IL1RAP: variants seen among roughly 807,000 people sequenced by gnomAD.
IL1RAP encodes the protein interleukin-1 receptor accessory protein.
IL1RAP carries 35 observed loss-of-function variants against 60.7 expected under a neutral mutation model. That is an observed-to-expected ratio of 0.58 (90% CI 0.44 to 0.76). The LOEUF (loss-of-function observed/expected upper bound fraction) is 0.76. IL1RAP is among the 30% of genes least tolerant of loss of function. IL1RAP has a pLI of 0.00. For missense variants in IL1RAP, 572 were observed against 693.9 expected, an observed-to-expected ratio of 0.82 and a Z score of 1.97; for synonymous variants, 268 against 250.9, an observed-to-expected ratio of 1.07 and a Z score of -0.64.
chr3:190,584,007 C>T (rs1394065667), intron 3 of IL1RAP, among the ~76,000 whole-genome samples: 1 of 152,090 alleles, frequency 6.6e-6, no homozygotes, highest in East Asian at 1.9e-4. Context: ...TACAGAAAGT[C>T]CCATTATCCT....
intron 1 of IL1RAP, chr3:190,518,953 T>A (rs1319830464): frequency 6.6e-6 from 1 of 152,198 alleles, no homozygotes; most frequent in African/African-American, 2.4e-5. Context: ...ATGCTGAGAC[T>A]CATCTACGCA....
At chr3:190,524,586 A>G (rs1414782412) in intron 1 of IL1RAP, among the ~76,000 whole-genome samples, 2 of 152,166 alleles carry the variant, frequency 1.3e-5, no homozygotes, top group African/African-American at 4.8e-5. Context: ...TTGAATAGGA[A>G]ATCCTTTCCT....
chr3:190,553,931 G>A (rs997227242), intron 1 of IL1RAP, among the ~76,000 whole-genome samples: 4 of 150,976 alleles, frequency 2.6e-5, no homozygotes, highest in Non-Finnish European at 5.9e-5. Context: ...CGTAGTGGCG[G>A]GCGCCTGTAG....
intron 1 of IL1RAP, among the ~76,000 whole-genome samples, chr3:190,544,071 C>T (rs1253563327): frequency 1.3e-5 from 2 of 152,050 alleles, no homozygotes; most frequent in African/African-American, 4.8e-5. Context: ...TTTAGGTCAC[C>T]CTAATACATA....
chr3:190,595,828 C>A (rs1324811329), intron 3 of IL1RAP, among the ~76,000 whole-genome samples: 1 of 152,138 alleles, frequency 6.6e-6, no homozygotes, highest in Non-Finnish European at 1.5e-5. Flanking sequence ...TATTATTATG[C>A]TTCTGTTTAG....
chr3:190,547,351 G>A (rs565348677), intron 1 of IL1RAP, among the ~76,000 whole-genome samples: 47 of 152,272 alleles, frequency 3.1e-4, no homozygotes, highest in Non-Finnish European at 3.8e-4. Context: ...CTATGGGACT[G>A]GTGGGTGCGC....
intron 3 of IL1RAP, among the ~76,000 whole-genome samples, chr3:190,601,000 T>C (rs1359522971): frequency 2.0e-5 from 3 of 152,248 alleles, no homozygotes; most frequent in African/African-American, 7.2e-5. Context: ...CTTTTCTTTT[T>C]TTGAAACAGA....
rs1192351511 is a variant in IL1RAP at position 190,648,799 on chromosome 3, A to G, written c.*94A>G. The G allele has an allele frequency of 6.7e-7, 1 of 1,485,030 alleles. No homozygotes were observed. Among genetic ancestry groups the G allele is most frequent in the South Asian group, 1.4e-5 (1 of 69,910 alleles). 92.0% of individuals were successfully genotyped at this position (1,485,030 alleles called of 1,614,324 possible). On this transcript the variant is annotated 3_prime_UTR_variant, in exon 12 of 12. Transcript: ENST00000447382. ...TCGCAGTTTATGGTTTCATAGGCAA[A>G]AATAATGGTCTAAGCCTCCCAATAG...
intron 1 of IL1RAP, among the ~76,000 whole-genome samples, chr3:190,533,136 G>A (rs1177099750): frequency 1.3e-5 from 2 of 152,188 alleles, no homozygotes; most frequent in African/African-American, 2.4e-5. Flanking sequence ...CTGTGAAAGA[G>A]GGAACCGTAG....
At chr3:190,625,847 A>G (rs545356440) in intron 7 of IL1RAP, among the ~76,000 whole-genome samples, 1 of 152,288 alleles carries the variant, frequency 6.6e-6, no homozygotes, top group South Asian at 2.1e-4. Flanking sequence ...AATAACATAA[A>G]TATATTTGTC....
intron 3 of IL1RAP, among the ~76,000 whole-genome samples, chr3:190,596,984 G>T (rs781029523): frequency 6.6e-6 from 1 of 151,934 alleles, no homozygotes; most frequent in African/African-American, 2.4e-5. Context: ...ATTTCAAATG[G>T]GCAAATATCC....
chr3:190,628,730 G>C, intron 8 of IL1RAP, among the ~76,000 whole-genome samples: 1 of 152,186 alleles, frequency 6.6e-6, no homozygotes, highest in East Asian at 1.9e-4. Flanking sequence ...TATTCTAGCT[G>C]TGTTCAGAAT....
intron 3 of IL1RAP, among the ~76,000 whole-genome samples, chr3:190,597,473 TCCAGATTCCTCC>T (rs1365471590): frequency 6.6e-6 from 1 of 152,154 alleles, no homozygotes; most frequent in Non-Finnish European, 1.5e-5. Flanking sequence ...GTGGCAGGAA[TCCAGATTCCTCC>T]CATCCTGTGA....
chr3:190,646,283 G>A (rs918817246), intron 11 of IL1RAP, among the ~76,000 whole-genome samples: 2 of 152,024 alleles, frequency 1.3e-5, no homozygotes, highest in East Asian at 1.9e-4. Context: ...AGTGAGTGGC[G>A]GAAGAGTGTG....
intron 5 of IL1RAP, among the ~76,000 whole-genome samples, chr3:190,609,879 G>A (rs1235592047): frequency 1.3e-5 from 2 of 152,142 alleles, no homozygotes; most frequent in African/African-American, 4.8e-5. Context: ...TGGAAGTAAC[G>A]TGGTGTCTGT....
chr3:190,538,446 C>T (rs1017856575), intron 1 of IL1RAP, among the ~76,000 whole-genome samples: 4 of 152,182 alleles, frequency 2.6e-5, no homozygotes, highest in African/African-American at 9.6e-5. Flanking sequence ...GGCTTGTGAT[C>T]ACAGACTGTA....
At chr3:190,555,435 A>G (rs1487274030) in intron 1 of IL1RAP, among the ~76,000 whole-genome samples, 1 of 152,200 alleles carries the variant, frequency 6.6e-6, no homozygotes, top group Admixed American at 6.5e-5. Context: ...ACATACAGAA[A>G]AAGTTACAGT....
At chr3:190,656,238 C>T (rs1436451005), downstream of IL1RAP, 1 of 1,537,070 alleles carries the variant, frequency 6.5e-7, no homozygotes, top group Non-Finnish European at 8.7e-7. Flanking sequence ...AGTCTGACAT[C>T]AGTCTGGATC....
chr3:190,582,322 T>C (rs1363474945), intron 3 of IL1RAP, among the ~76,000 whole-genome samples: 6 of 152,104 alleles, frequency 3.9e-5, no homozygotes, highest in Middle Eastern at 3.4e-3. Context: ...CTTTTCTTTT[T>C]TTTTTTTTTC....
Sources: gnomAD v4.1 joint callset for allele counts (sites outside exome capture counted in the v4.1 genomes callset) on GRCh38, gnomAD v4.1.1 for gene constraint, MANE v1.5 for transcripts, NCBI Gene and HGNC (gene_info 2026-07-23, HGNC 2026-07-21) for gene names.